The following CFAP95 variants were observed in gnomAD, a reference collection of about 807,000 sequenced individuals.
CFAP95 encodes the protein cilia and flagella associated protein 95.
chr9:69,896,987 G>T, the CFAP95 span, among the ~76,000 whole-genome samples: 1 of 152,122 alleles, frequency 6.6e-6, no homozygotes, highest in South Asian at 2.1e-4. Context: ...TCCCCCATTG[G>T]TCCCCAGGGC....
the CFAP95 span, among the ~76,000 whole-genome samples, chr9:69,843,582 C>G: frequency 2.2e-5 from 1 of 45,620 alleles, no homozygotes; most frequent in African/African-American, 1.3e-4. Flanking sequence ...TCTTCTTCTT[C>G]TTCTTCTTCT....
the CFAP95 span, among the ~76,000 whole-genome samples, chr9:69,825,947 A>G: frequency 6.6e-6 from 1 of 152,304 alleles, no homozygotes; most frequent in Admixed American, 6.5e-5. Context: ...TGTGATTTTA[A>G]TTACTTTTCT....
chr9:69,825,070 A>T, the CFAP95 span, among the ~76,000 whole-genome samples: 15 of 152,190 alleles, frequency 9.9e-5, no homozygotes, highest in African/African-American at 3.4e-4. Flanking sequence ...ACTTATTTTT[A>T]TGCATTTTGG....
chr9:69,855,846 G>A, the CFAP95 span, among the ~76,000 whole-genome samples: 1 of 152,128 alleles, frequency 6.6e-6, no homozygotes, highest in Non-Finnish European at 1.5e-5. Context: ...AACAACAACA[G>A]AAAGTCTAGT....
the CFAP95 span, among the ~76,000 whole-genome samples, chr9:69,846,238 A>T: frequency 2.6e-5 from 4 of 152,110 alleles, no homozygotes; most frequent in African/African-American, 9.7e-5. Flanking sequence ...GGGAAGTGAG[A>T]TGAAGCGGGA....
At chr9:69,900,499 T>C in the CFAP95 span, among the ~76,000 whole-genome samples, 1 of 152,228 alleles carries the variant, frequency 6.6e-6, no homozygotes, top group African/African-American at 2.4e-5. Flanking sequence ...GTGGCCAAAC[T>C]TTATAGACAT....
chr9:69,824,299 T>C, the CFAP95 span, among the ~76,000 whole-genome samples: 4 of 152,204 alleles, frequency 2.6e-5, no homozygotes, highest in African/African-American at 9.6e-5. Context: ...AGTTGACAAA[T>C]ACAGTTGATC....
the CFAP95 span, among the ~76,000 whole-genome samples, chr9:69,886,335 A>AG: frequency 1.3e-5 from 2 of 152,136 alleles, no homozygotes; most frequent in African/African-American, 2.4e-5. Context: ...ACTTAAGGAG[A>AG]GAAAAAAAAA....
chr9:69,872,922 C>T, the CFAP95 span, among the ~76,000 whole-genome samples: 1 of 152,152 alleles, frequency 6.6e-6, no homozygotes, highest in Non-Finnish European at 1.5e-5. Flanking sequence ...TTAAGGGGAA[C>T]TTAAAAGCAG....
chr9:69,895,200 C>A, the CFAP95 span, among the ~76,000 whole-genome samples: 1 of 152,188 alleles, frequency 6.6e-6, no homozygotes, highest in South Asian at 2.1e-4. Flanking sequence ...CTCATTGAAT[C>A]AGTTTATAGC....
At chr9:69,898,461 C>T in the CFAP95 span, among the ~76,000 whole-genome samples, 2 of 152,138 alleles carry the variant, frequency 1.3e-5, no homozygotes, top group Admixed American at 6.5e-5. Flanking sequence ...TGTATAATTT[C>T]GAACTTACAG....
chr9:69,832,221 A>G, the CFAP95 span, among the ~76,000 whole-genome samples: 48 of 152,350 alleles, frequency 3.2e-4, no homozygotes, highest in Admixed American at 5.2e-4. Context: ...CTCAGAGGTT[A>G]GGATATTGTG....
At chr9:69,903,507 A>G in the CFAP95 span, among the ~76,000 whole-genome samples, 1 of 152,134 alleles carries the variant, frequency 6.6e-6, no homozygotes, top group African/African-American at 2.4e-5. Context: ...TGAGCTTACT[A>G]TGCTCACCTC....
the CFAP95 span, chr9:69,886,962 G>C: frequency 8.0e-7 from 1 of 1,247,690 alleles, no homozygotes; most frequent in Non-Finnish European, 1.2e-6. Context: ...ACCTAGTATA[G>C]TCAAACTTGG....
At chr9:69,880,072 T>G in the CFAP95 span, among the ~76,000 whole-genome samples, 1 of 152,116 alleles carries the variant, frequency 6.6e-6, no homozygotes, top group Non-Finnish European at 1.5e-5. Flanking sequence ...AGGCATGCAA[T>G]GCATAATAAT....
the CFAP95 span, among the ~76,000 whole-genome samples, chr9:69,885,305 G>T: frequency 6.7e-6 from 1 of 149,414 alleles, no homozygotes; most frequent in Admixed American, 6.7e-5. Flanking sequence ...TGCCAGGAAT[G>T]GAGGTGGGGT....
At chr9:69,899,164 A>G in the CFAP95 span, among the ~76,000 whole-genome samples, 1 of 152,182 alleles carries the variant, frequency 6.6e-6, no homozygotes, top group African/African-American at 2.4e-5. Flanking sequence ...CTCTGTCACA[A>G]CTCTGTGTGT....
chr9:69,873,681 T>A, the CFAP95 span, among the ~76,000 whole-genome samples: 66 of 152,222 alleles, frequency 4.3e-4, 2 homozygotes, highest in Admixed American at 4.3e-3. Context: ...GACTCCTAGA[T>A]GACCCGTCTG....
chr9:69,841,726 A>T, the CFAP95 span, among the ~76,000 whole-genome samples: 4 of 152,204 alleles, frequency 2.6e-5, no homozygotes, highest in African/African-American at 9.6e-5. Context: ...CCTCACAATC[A>T]TGCTGGAAGG....
Sources: gnomAD v4.1 joint callset for allele counts (sites outside exome capture counted in the v4.1 genomes callset) on GRCh38, gnomAD v4.1.1 for gene constraint, MANE v1.5 for transcripts, NCBI Gene and HGNC (gene_info 2026-07-23, HGNC 2026-07-21) for gene names.